Variants in PPP1R37 observed in about 807,000 individuals in gnomAD.
PPP1R37 encodes the protein protein phosphatase 1 regulatory subunit 37.
In PPP1R37, 21 loss-of-function variants were observed where a neutral mutation model predicts 61.0. The ratio of observed to expected loss-of-function variants is 0.34; its 90% confidence interval spans 0.24 to 0.50. The LOEUF (loss-of-function observed/expected upper bound fraction) is 0.50. PPP1R37 is among the 20% of genes least tolerant of loss of function. The pLI is 0.98. For synonymous variants in PPP1R37, 443 were observed against 433.5 expected, an observed-to-expected ratio of 1.02 and a Z score of -0.27; for missense variants, 910 against 952.7, an observed-to-expected ratio of 0.96 and a Z score of 0.59.
intron 1 of PPP1R37, among the ~76,000 whole-genome samples, chr19:45,117,952 T>G (rs188244178): frequency 6.6e-6 from 1 of 152,356 alleles, no homozygotes; most frequent in East Asian, 1.9e-4. Context: ...TGATCCGCGT[T>G]TCTCAGGCCT....
chr19:45,094,273 C>T (rs1343529469), intron 1 of PPP1R37, among the ~76,000 whole-genome samples: 3 of 152,050 alleles, frequency 2.0e-5, no homozygotes, highest in African/African-American at 7.2e-5. Context: ...TGTGAGCCAC[C>T]GCCGCCTGCT....
intron 7 of PPP1R37, 23 bp downstream of exon 7, chr19:45,142,481 C>A (rs1316201449): frequency 3.9e-6 from 6 of 1,533,856 alleles, no homozygotes; most frequent in Non-Finnish European, 5.2e-6. Context: ...GCCCACCCCA[C>A]CCACACCCGT....
chr19:45,104,108 C>G (rs1968099181), intron 1 of PPP1R37, among the ~76,000 whole-genome samples: 1 of 152,220 alleles, frequency 6.6e-6, no homozygotes, highest in African/African-American at 2.4e-5. Context: ...CAGCACACCC[C>G]TCGATAGTCC....
In PPP1R37 at chr19:45,093,458, C is replaced by T; in HGVS notation, c.133C>T (p.Arg45Cys). The change falls in exon 1 of 13, where the codon CGC (arginine) becomes TGC (cysteine). Residue 45 changes from arginine (R) to cysteine (C), a missense_variant. This residue lies in a region of PPP1R37 where 280 missense variants were observed against 382.2 expected (regional missense o/e 0.73). Coordinates refer to ENST00000221462, the MANE Select transcript of PPP1R37 (RefSeq NM_019121.2). ...TGGGCGCCTCAAGGCTGCAGCCAAG[C>T]GCGTCACATTCCCGTCCGACGAGGA... ...ADGRLKAAAK[R>C]VTFPSDEDIV... 5 of 1,535,594 alleles carry T rather than the reference C, an allele frequency of 3.3e-6. No homozygotes were observed. The highest frequency in any genetic ancestry group is 4.4e-6 in the Non-Finnish European group (5 of 1,146,760).
rs1968705236 is a variant in PPP1R37 at position 45,146,604 on chromosome 19, G to A, written c.*42G>A. 1.5e-6 allele frequency: 1 copy of A among 678,136 alleles called. No individual in the cohort carries two copies. Among genetic ancestry groups the A allele is most frequent in the Non-Finnish European group, 2.5e-6 (1 of 404,112 alleles). 42.0% of individuals were successfully genotyped at this position (678,136 alleles called of 1,614,324 possible). A position where few individuals can be genotyped will look rare whatever the true frequency, so the allele number is the denominator to read the frequency against. On this transcript the variant is annotated 3_prime_UTR_variant, in exon 13 of 13. Coordinates refer to ENST00000221462, the MANE Select transcript of PPP1R37 (RefSeq NM_019121.2). ...TTCCGGTCGGTCTGCGATGAGCTGA[G>A]GCCAGAGCCATGAGAATCTGCTCAC...
chr19:45,145,702 C>G lies in PPP1R37; in HGVS notation c.1646C>G (p.Pro549Arg), dbSNP rs2122760736. Residue 549 changes from proline to arginine, a missense_variant, in exon 11 of 13, where the codon CCC becomes CGC. By Grantham distance (103) the Pro-to-Arg change is moderately radical. Coordinates refer to ENST00000221462, the MANE Select transcript of PPP1R37 (RefSeq NM_019121.2). ...GPGDRSPPGS[P>R]STPTEQRISV... ...GGGGACAGGAGTCCCCCAGGCAGCC[C>G]CTCCACACCCACCGAGCAGCGGATT... The G allele has an allele frequency of 6.5e-7, 1 of 1,534,562 alleles. No homozygotes were observed. The highest frequency in any genetic ancestry group is 8.7e-7 in the Non-Finnish European group (1 of 1,146,212).
At chr19:45,096,100 G>C (rs1273950587) in intron 1 of PPP1R37, among the ~76,000 whole-genome samples, 2 of 152,204 alleles carry the variant, frequency 1.3e-5, no homozygotes, top group Admixed American at 1.3e-4. Flanking sequence ...TGGCCAGGGT[G>C]AGTGTTCTCG....
rs939175655 is a variant in PPP1R37 at position 45,093,316 on chromosome 19, G to A, written c.-10G>A. The A allele has an allele frequency of 1.1e-5, 15 of 1,410,574 alleles. No individual in the cohort carries two copies. Among genetic ancestry groups the A allele is most frequent in the Non-Finnish European group, 1.4e-5 (15 of 1,089,112 alleles). 87.4% of individuals were successfully genotyped at this position (1,410,574 alleles called of 1,614,324 possible). A position where few individuals can be genotyped will look rare whatever the true frequency, so the allele number is the denominator to read the frequency against. On this transcript the variant is annotated 5_prime_UTR_variant, in exon 1 of 13. Coordinates refer to ENST00000221462, the MANE Select transcript of PPP1R37 (RefSeq NM_019121.2). ...GTCCCCGGGGCCCCCGTGAGGAGGC[G>A]GCGGCGGCTATGGAGATCGCGCCGC...
rs1230809334 is a variant in PPP1R37, at chr19:45,145,828, C to G, written c.1772C>G (p.Ser591Cys). The change falls in exon 11 of 13, where the codon TCT becomes TGT. Residue 591 changes from serine to cysteine, a missense_variant. This residue lies in a region of PPP1R37 where 549 missense variants were observed against 505.1 expected (regional missense o/e 1.09). Coordinates refer to ENST00000221462, the MANE Select transcript of PPP1R37 (RefSeq NM_019121.2). ...AEPPASPTPP[S>C]PPPPPSPPAS... Reference sequence around the variant, plus strand: ...CCCCCTGCGTCCCCCACCCCTCCCTCTCCCCCACCCCCTCCCTCCCCACCC... The same window carrying G: ...CCCCCTGCGTCCCCCACCCCTCCCTGTCCCCCACCCCCTCCCTCCCCACCC... 1.5e-5 allele frequency: 18 copies of G among 1,228,368 alleles called. No individual in the cohort carries two copies. The highest frequency in any genetic ancestry group is 7.8e-5 in the African/African-American group (5 of 64,108). 76.1% of individuals were successfully genotyped at this position (1,228,368 alleles called of 1,614,324 possible). A position where few individuals can be genotyped will look rare whatever the true frequency, so the allele number is the denominator to read the frequency against.
At position 45,130,502 on chromosome 19, in the gene PPP1R37, T is replaced by C. The variant is rs567478852; in HGVS notation, c.203-8012T>C. ...CCAGTGGTTGCTGCCTGCCACGGGG[T>C]TTGCACAGGGACTGCGCAGTGGGCC... On this transcript the variant is annotated intron_variant, in intron 1 of 12. Coordinates refer to ENST00000221462, the MANE Select transcript of PPP1R37 (RefSeq NM_019121.2). The surrounding 1 kb of genome is among the most constrained non-coding windows in gnomAD (Gnocchi z 4.4). Among the ~76,000 whole-genome samples the C allele has an allele frequency of 4.0e-5, 6 of 151,760 alleles. No homozygotes were observed. In the South Asian group the frequency reaches 1.3e-3, roughly 32 times the overall value.
chr19:45,104,579 T>A (rs1968105981), intron 1 of PPP1R37, among the ~76,000 whole-genome samples: 1 of 152,208 alleles, frequency 6.6e-6, no homozygotes, highest in Admixed American at 6.6e-5. Context: ...GGCCTCCCAA[T>A]GGCTCTCCTG....
rs1405575849 is a variant in PPP1R37, at chr19:45,129,223, C to G, written c.203-9291C>G. ...CTCCCTTGGCCAGGAACAAGCAAAG[C>G]CATGGCCTTGGTGAAGCTGCCATCC... On this transcript the variant is annotated intron_variant, in intron 1 of 12. Transcript: ENST00000221462. 2.0e-5 allele frequency among the ~76,000 whole-genome samples: 3 copies of G among 152,356 alleles called. No homozygotes were observed. The East Asian group carries it at 5.8e-4, about 29-fold the overall frequency.
chr19:45,097,418 G>A (rs901190789), intron 1 of PPP1R37, among the ~76,000 whole-genome samples: 1 of 152,070 alleles, frequency 6.6e-6, no homozygotes, highest in African/African-American at 2.4e-5. Context: ...CCCTGGGTGA[G>A]GAGGAAGCAG....
chr19:45,116,919 T>TTC (rs1473462213), intron 1 of PPP1R37, among the ~76,000 whole-genome samples: 2 of 150,334 alleles, frequency 1.3e-5, no homozygotes, highest in Non-Finnish European at 3.0e-5. Context: ...GACTTTTTTT[T>TTC]TTTTTTTTTT....
rs11295552 is a variant in PPP1R37 at position 45,127,352 on chromosome 19, CAAA to C, written c.203-11140_203-11138del. ...GGGCAAGAAGAGTAAAACTCCATCT[CAAA>C]AAAAAAAAAAAAAAAAAAAAACCCT... On this transcript the variant is annotated intron_variant, in intron 1 of 12. Transcript: ENST00000221462. 2.5e-3 allele frequency among the ~76,000 whole-genome samples: 177 copies of C among 69,646 alleles called. 1 individual carries two copies. Among genetic ancestry groups the C allele is most frequent in the African/African-American group, 7.4e-3 (152 of 20,562 alleles). The allele number at this position is 69,646 out of a possible 152,430, so 45.7% of individuals were successfully genotyped here.
intron 1 of PPP1R37, among the ~76,000 whole-genome samples, chr19:45,114,899 GC>G (rs1968245415): frequency 1.3e-5 from 2 of 152,148 alleles, no homozygotes; most frequent in South Asian, 4.2e-4. Flanking sequence ...CAGCTGGGGG[GC>G]TTATGGAGGC....
chr19:45,140,736 G>C, intron 4 of PPP1R37, 130 bp downstream of exon 4: 1 of 668,670 alleles, frequency 1.5e-6, no homozygotes, highest in South Asian at 1.8e-5. Flanking sequence ...CAAGGGCGGG[G>C]CCTCTTGCAG....
intron 1 of PPP1R37, among the ~76,000 whole-genome samples, chr19:45,109,714 C>T (rs568483963): frequency 1.6e-4 from 24 of 152,228 alleles, no homozygotes; most frequent in Admixed American, 3.3e-4. Flanking sequence ...GGAGCCTGGA[C>T]TCCCTCGTCT....
intron 1 of PPP1R37, among the ~76,000 whole-genome samples, chr19:45,094,821 A>G (rs990573937): frequency 3.6e-4 from 54 of 152,016 alleles, no homozygotes; most frequent in African/African-American, 1.2e-3. Context: ...AAAGTTGGCT[A>G]CTTGAAGTGT....
Sources: allele counts gnomAD v4.1 joint callset (sites outside exome capture counted in the v4.1 genomes callset), GRCh38; gene constraint gnomAD v4.1.1; regional missense constraint gnomAD v4.1.1; non-coding constraint Gnocchi (gnomAD v3.1); transcripts MANE v1.5; gene names NCBI Gene and HGNC (gene_info 2026-07-23, HGNC 2026-07-21).